Variants in IRS1 observed in about 807,000 individuals in gnomAD.
IRS1 encodes insulin receptor substrate 1.
Under a neutral mutation model 65.6 loss-of-function variants are expected in IRS1, and 34 were observed. The ratio of observed to expected loss-of-function variants is 0.52; its 90% CI spans 0.39 to 0.69. IRS1 has a LOEUF of 0.69. IRS1 is among the 30% of genes least tolerant of loss of function. IRS1 has a pLI of 0.00. For synonymous variants in IRS1, 699 were observed against 683.5 expected (o/e 1.02, Z -0.35); for missense variants, 1,641 against 1,720.2 (o/e 0.95, Z 0.81).
At chr2:226,765,738 C>T (rs960968000) in intron 1 of IRS1, among the ~76,000 whole-genome samples, 17 of 152,004 alleles carry the variant, frequency 1.1e-4, no homozygotes, top group African/African-American at 4.1e-4. Context: ...CTGCCACTTC[C>T]GTAAAAGAAC....
chr2:226,748,799 A>G (rs1938610468), intron 1 of IRS1, among the ~76,000 whole-genome samples: 1 of 152,106 alleles, frequency 6.6e-6, no homozygotes, highest in African/African-American at 2.4e-5. Flanking sequence ...CAAAGGGGGG[A>G]TGCTCGGGGC....
intron 1 of IRS1, among the ~76,000 whole-genome samples, chr2:226,749,704 T>C (rs1938634011): frequency 1.3e-5 from 2 of 152,152 alleles, no homozygotes; most frequent in Admixed American, 6.5e-5. Flanking sequence ...AAATTCAACT[T>C]AGTCCATTTT....
At chr2:226,777,529 C>T (rs1939297715) in intron 1 of IRS1, among the ~76,000 whole-genome samples, 1 of 152,154 alleles carries the variant, frequency 6.6e-6, no homozygotes, top group South Asian at 2.1e-4. Context: ...AGGAAACTCG[C>T]TGATATGGCT....
intron 1 of IRS1, among the ~76,000 whole-genome samples, chr2:226,777,769 A>G (rs1574655798): frequency 6.6e-6 from 1 of 152,102 alleles, no homozygotes; most frequent in Admixed American, 6.6e-5. Context: ...GCTCCTCTTT[A>G]CCTTCCGCCA....
rs1228491067 is a variant in IRS1, at chr2:226,796,141, G to A, written c.2598C>T (p.Pro866=). ...GGGCCCGAGGTAAGGTGCTGGCCTT[G>A]GGATCCCCCAGGGACAGCCTCGTGG... The part of the protein sequence containing the change: ...ARPTRLSLGD[P]KASTLPRARE... The change falls in exon 1 of 2, where the codon CCC becomes CCT. Residue 866 remains proline, a synonymous_variant. Coordinates refer to ENST00000305123, the MANE Select transcript of IRS1 (RefSeq NM_005544.3). 1 of 1,613,632 alleles carries A rather than the reference G, an allele frequency of 6.2e-7. No individual in the cohort carries two copies. Among genetic ancestry groups the A allele is most frequent in the Non-Finnish European group, 8.5e-7 (1 of 1,180,010 alleles).
chr2:226,751,974 T>A (rs1938693868), intron 1 of IRS1, among the ~76,000 whole-genome samples: 1 of 152,014 alleles, frequency 6.6e-6, no homozygotes, highest in African/African-American at 2.4e-5. Flanking sequence ...TCAGATCTCA[T>A]CCCAAATAAA....
intron 1 of IRS1, among the ~76,000 whole-genome samples, chr2:226,792,820 T>C (rs1289501567): frequency 3.9e-5 from 6 of 152,204 alleles, no homozygotes; most frequent in Non-Finnish European, 7.3e-5. Context: ...CTTCTGTCTG[T>C]TTCAGATAGC....
intron 1 of IRS1, among the ~76,000 whole-genome samples, chr2:226,771,645 T>C (rs1177634506): frequency 6.6e-6 from 1 of 151,972 alleles, no homozygotes; most frequent in Non-Finnish European, 1.5e-5. Context: ...AACATCTATA[T>C]ATATGTTTAT....
Position 226,795,916 on chromosome 2 carries a change from G to C in IRS1, c.2823C>G (p.Tyr941Ter). Residue 941 changes from tyrosine to a stop codon, truncating the protein, a stop_gained, in exon 1 of 2, where the codon TAC (tyrosine) becomes TAG (stop). Coordinates refer to ENST00000305123, the MANE Select transcript of IRS1 (RefSeq NM_005544.3). LOFTEE classifies it high-confidence loss of function. Reference protein sequence around the residue: ...PREEETGTEEYMKMDLGPGRR... With the variant: ...PREEETGTEE ...GGCCCGGCCCCAGGTCCATCTTCAT[G>C]TACTCCTCAGTGCCAGTCTCTTCCT... 6.2e-7 allele frequency: 1 copy of C among 1,614,002 alleles called. No homozygotes were observed. Among genetic ancestry groups the C allele is most frequent in the Non-Finnish European group, 8.5e-7 (1 of 1,180,050 alleles).
At chr2:226,783,194 A>G (rs1233737225) in intron 1 of IRS1, among the ~76,000 whole-genome samples, 2 of 152,248 alleles carry the variant, frequency 1.3e-5, no homozygotes, top group African/African-American at 4.8e-5. Context: ...AATAAGAGGT[A>G]TTCTTAAGGA....
At chr2:226,757,834 C>A (rs1434154541) in intron 1 of IRS1, among the ~76,000 whole-genome samples, 1 of 152,010 alleles carries the variant, frequency 6.6e-6, no homozygotes, top group Non-Finnish European at 1.5e-5. Flanking sequence ...AAATATTCAA[C>A]AAAAGATACA....
At chr2:226,765,429 C>T (rs1939013194) in intron 1 of IRS1, among the ~76,000 whole-genome samples, 2 of 152,188 alleles carry the variant, frequency 1.3e-5, no homozygotes, top group South Asian at 4.1e-4. Context: ...CTCTGTGCAT[C>T]CTACTCCTGG....
Position 226,799,008 on chromosome 2 carries a change from T to G in IRS1, c.-270A>C, listed in dbSNP as rs527257266. On this transcript the variant is annotated 5_prime_UTR_variant, in exon 1 of 2. Coordinates refer to ENST00000305123, the MANE Select transcript of IRS1 (RefSeq NM_005544.3). The surrounding 1 kb of genome is among the most constrained non-coding windows in gnomAD (Gnocchi z 6.1). ...GCGTCCGGGGTGAGGGCAGCCCCGA[T>G]CCTCCGAGAGCCAAGTCTCCTCTCA... 3.2e-5 allele frequency: 45 copies of G among 1,417,446 alleles called. No individual in the cohort carries two copies. In the African/African-American group the frequency reaches 6.0e-4, roughly 19 times the overall value. The allele number at this position is 1,417,446 out of a possible 1,614,324, so 87.8% of individuals were successfully genotyped here.
chr2:226,759,237 A>T (rs1938865928), intron 1 of IRS1, among the ~76,000 whole-genome samples: 1 of 152,256 alleles, frequency 6.6e-6, no homozygotes, highest in Admixed American at 6.5e-5. Flanking sequence ...TATGGTTGCT[A>T]GATTTTTACA....
intron 1 of IRS1, among the ~76,000 whole-genome samples, chr2:226,782,194 C>A (rs752227835): frequency 6.6e-6 from 1 of 152,062 alleles, no homozygotes. Context: ...AATACCACCA[C>A]GTTCAACTTT....
chr2:226,762,943 C>T (rs562143769), intron 1 of IRS1, among the ~76,000 whole-genome samples: 2 of 152,240 alleles, frequency 1.3e-5, no homozygotes, highest in Admixed American at 6.5e-5. Flanking sequence ...CGTTAACAGG[C>T]GTGCATTTGT....
chr2:226,751,504 C>G (rs1938681833), intron 1 of IRS1, among the ~76,000 whole-genome samples: 1 of 151,920 alleles, frequency 6.6e-6, no homozygotes, highest in Admixed American at 6.6e-5. Context: ...AGGATGGTCT[C>G]GATCTCCTAA....
intron 1 of IRS1, among the ~76,000 whole-genome samples, chr2:226,763,702 G>A (rs1297788802): frequency 6.6e-6 from 1 of 152,070 alleles, no homozygotes; most frequent in African/African-American, 2.4e-5. Context: ...TACTAGTCAA[G>A]TTTTATTTCA....
chr2:226,749,117 C>A (rs1938617845), intron 1 of IRS1, among the ~76,000 whole-genome samples: 1 of 152,194 alleles, frequency 6.6e-6, no homozygotes, highest in Non-Finnish European at 1.5e-5. Context: ...ATAATTAACA[C>A]TTAATTAACA....
Sources: allele counts gnomAD v4.1 joint callset (sites outside exome capture counted in the v4.1 genomes callset), GRCh38; gene constraint gnomAD v4.1.1; non-coding constraint Gnocchi (gnomAD v3.1); transcripts MANE v1.5; gene names NCBI Gene and HGNC (gene_info 2026-07-23, HGNC 2026-07-21).